Variants in METAP2 observed in about 807,000 individuals in gnomAD.
The protein encoded by METAP2 is methionine aminopeptidase 2.
In METAP2, 25 loss-of-function variants were observed where a neutral mutation model predicts 59.4. That is an observed-to-expected ratio of 0.42 (90% CI 0.31 to 0.59). The LOEUF is 0.59. Ranked by LOEUF, METAP2 falls within the 20% of genes least tolerant of loss-of-function variation. The pLI is 0.16. For synonymous variants in METAP2, 214 were observed against 194.1 expected, an observed-to-expected ratio of 1.10 and a Z score of -0.85; for missense variants, 366 against 581.2, an observed-to-expected ratio of 0.63 and a Z score of 3.81.
chr12:95,510,597 C>T (rs1390755565), intron 8 of METAP2, among the ~76,000 whole-genome samples: 1 of 152,212 alleles, frequency 6.6e-6, no homozygotes, highest in South Asian at 2.1e-4. Flanking sequence ...CACCATCACA[C>T]TGGGGATGAA....
chr12:95,506,037 CA>C (rs1016679898), intron 8 of METAP2, among the ~76,000 whole-genome samples: 6 of 151,500 alleles, frequency 4.0e-5, no homozygotes, highest in African/African-American at 1.5e-4. Context: ...GCAGAGGTTG[CA>C]GTGAGTCAAG....
chr12:95,477,318 T>A (rs2076127677), intron 2 of METAP2, among the ~76,000 whole-genome samples: 1 of 152,150 alleles, frequency 6.6e-6, no homozygotes, highest in South Asian at 2.1e-4. Context: ...CTTGAACTCC[T>A]GACCTCAAGT....
chr12:95,475,788 A>G (rs112690176), intron 1 of METAP2, among the ~76,000 whole-genome samples: 2,249 of 152,236 alleles, frequency 0.015, 58 homozygotes, highest in African/African-American at 0.051. Context: ...GCTGACCACT[A>G]TTACAAGTTA....
chr12:95,481,613 A>G (rs181119124), intron 2 of METAP2, among the ~76,000 whole-genome samples: 4 of 152,378 alleles, frequency 2.6e-5, no homozygotes, highest in Non-Finnish European at 4.4e-5. Context: ...TACTGAATAC[A>G]GACATTGGAC....
chr12:95,506,435 T>C lies in METAP2; in HGVS notation c.964+2274T>C, dbSNP rs981131921. On this transcript the variant is annotated intron_variant, in intron 8 of 10. Transcript: ENST00000323666. ...CCTCAGCCTCTCAAGTAGCTGGGAT[T>C]ACAGGCATGCGCCACTACACCCAGC... is the stretch of plus-strand genomic sequence containing the variant. Among the ~76,000 whole-genome samples the C allele has an allele frequency of 9.9e-4, 150 of 151,950 alleles. 1 individual carries two copies. The highest frequency in any genetic ancestry group is 3.5e-3 in the African/African-American group (147 of 41,468).
chr12:95,493,772 T>G (rs1026077650), intron 4 of METAP2, among the ~76,000 whole-genome samples: 5 of 152,268 alleles, frequency 3.3e-5, no homozygotes, highest in African/African-American at 1.2e-4. Context: ...CAGACTTTTC[T>G]GATTGTTTTA....
intron 7 of METAP2, among the ~76,000 whole-genome samples, chr12:95,498,006 G>A (rs1261963968): frequency 6.6e-5 from 10 of 151,580 alleles, no homozygotes; most frequent in African/African-American, 1.9e-4. Context: ...GGTGGCGGGC[G>A]CCTGTGGTCC....
At position 95,495,136 on chromosome 12, in the gene METAP2, G is replaced by C; in HGVS notation, c.770G>C (p.Ser257Thr). 1 of 1,601,618 alleles carries C rather than the reference G, an allele frequency of 6.2e-7. No individual in the cohort carries two copies. Among genetic ancestry groups the C allele is most frequent in the Non-Finnish European group, 8.5e-7 (1 of 1,172,596 alleles). ...ICKIDFGTHI[S>T]GRIIDCAFTV... ...AAAATAGACTTTGGAACACATATAA[G>C]TGGTAAATTCTTGCAGAAAATTCCT... is the stretch of plus-strand genomic sequence containing the variant. The change falls in exon 6 of 11, where the codon AGT becomes ACT. Residue 257 changes from serine to threonine, a missense_variant and splice_region_variant. Around this residue, in one of 4 missense-constraint regions of METAP2, gnomAD observed 106 missense variants for 221.9 expected, o/e 0.48. Transcript: ENST00000323666.
intron 3 of METAP2, 148 bp from the exon 4 acceptor site, chr12:95,485,731 G>T: frequency 1.8e-6 from 1 of 559,502 alleles, no homozygotes; most frequent in South Asian, 2.8e-5. Flanking sequence ...TGGCCAGCAT[G>T]ATGAAGTGTC....
rs557612292 is a variant in METAP2, at chr12:95,509,046, C to A, written c.965-2849C>A. Among the ~76,000 whole-genome samples the A allele has an allele frequency of 2.0e-5, 3 of 152,262 alleles. No individual in the cohort carries two copies. The South Asian group carries it at 6.2e-4, about 32-fold the overall frequency. On this transcript the variant is annotated intron_variant, in intron 8 of 10. Coordinates refer to ENST00000323666, the MANE Select transcript of METAP2 (RefSeq NM_006838.4). The stretch of plus-strand genomic sequence containing the variant: ...CGGGCCATCAAAGGAGTATCTTAAT[C>A]TCCTTTGATCAGGAAGCAATAGAAT...
chr12:95,497,579 G>A (rs759448680), intron 7 of METAP2, among the ~76,000 whole-genome samples: 1 of 151,990 alleles, frequency 6.6e-6, no homozygotes. Flanking sequence ...TCAATTCTTG[G>A]GTATATACCC....
At position 95,483,362 on chromosome 12, in the gene METAP2, G is replaced by C. The variant is rs371017186; in HGVS notation, c.325+82G>C. On this transcript the variant is annotated intron_variant, in intron 3 of 10. Coordinates refer to ENST00000323666, the MANE Select transcript of METAP2 (RefSeq NM_006838.4). Reference sequence around the variant, plus strand: ...GTGGTGGCTCACACCTGTGATCCCAGCTACTCCGGAGGCTGAGGCAGGAGA... The same window carrying C: ...GTGGTGGCTCACACCTGTGATCCCACCTACTCCGGAGGCTGAGGCAGGAGA... 13 of 1,078,106 alleles carry C rather than the reference G, an allele frequency of 1.2e-5. No individual in the cohort carries two copies. In the South Asian group the frequency reaches 1.6e-4, roughly 13 times the overall value. 66.8% of individuals were successfully genotyped at this position (1,078,106 alleles called of 1,614,324 possible).
intron 8 of METAP2, among the ~76,000 whole-genome samples, chr12:95,508,338 T>G (rs962652192): frequency 6.6e-6 from 1 of 152,120 alleles, no homozygotes; most frequent in Non-Finnish European, 1.5e-5. Flanking sequence ...GTTTTAGGAG[T>G]TGCTGCTTCT....
intron 7 of METAP2, among the ~76,000 whole-genome samples, chr12:95,500,809 T>G (rs1047366702): frequency 5.9e-5 from 9 of 152,190 alleles, no homozygotes; most frequent in Admixed American, 3.9e-4. Context: ...TGCATCAGTG[T>G]TCATTAGAAT....
intron 4 of METAP2, among the ~76,000 whole-genome samples, chr12:95,487,865 G>T (rs1310263477): frequency 6.6e-6 from 1 of 151,960 alleles, no homozygotes; most frequent in African/African-American, 2.4e-5. Flanking sequence ...ATAATATTCC[G>T]TGGTGTGAGT....
At chr12:95,502,944 C>G (rs1183753044) in intron 7 of METAP2, among the ~76,000 whole-genome samples, 1 of 130,432 alleles carries the variant, frequency 7.7e-6, no homozygotes, top group African/African-American at 2.9e-5. Flanking sequence ...TCATTTTGTT[C>G]ATACATTTTT....
At chr12:95,510,254 A>G (rs1053838841) in intron 8 of METAP2, among the ~76,000 whole-genome samples, 1 of 152,254 alleles carries the variant, frequency 6.6e-6, no homozygotes, top group Non-Finnish European at 1.5e-5. Context: ...GAATATTGCC[A>G]GTATTCCAGA....
chr12:95,505,812 C>T (rs2076354610), intron 8 of METAP2, among the ~76,000 whole-genome samples: 1 of 151,070 alleles, frequency 6.6e-6, no homozygotes, highest in Non-Finnish European at 1.5e-5. Flanking sequence ...TAGACAGAGT[C>T]TGCCAGACGT....
At chr12:95,506,248 A>T (rs2076358931) in intron 8 of METAP2, among the ~76,000 whole-genome samples, 1 of 148,578 alleles carries the variant, frequency 6.7e-6, no homozygotes, top group Admixed American at 6.7e-5. Context: ...TACCTGGCTA[A>T]TTTTTGTATT....
Sources: allele counts gnomAD v4.1 joint callset (sites outside exome capture counted in the v4.1 genomes callset), GRCh38; gene constraint gnomAD v4.1.1; regional missense constraint gnomAD v4.1.1; transcripts MANE v1.5; gene names NCBI Gene and HGNC (gene_info 2026-07-23, HGNC 2026-07-21).